Variants in PHACTR1 observed in about 807,000 individuals in gnomAD.
PHACTR1 encodes the protein RPEL repeat containing 1.
In PHACTR1, 16 loss-of-function variants were observed where a neutral mutation model predicts 69.2. The ratio of observed to expected loss-of-function variants is 0.23; its 90% CI spans 0.16 to 0.35. The LOEUF is 0.35. Ranked by LOEUF, PHACTR1 falls within the 10% of genes least tolerant of loss-of-function variation. The pLI is 1.00. For synonymous variants in PHACTR1, 312 were observed against 284.5 expected, an observed-to-expected ratio of 1.10 and a Z score of -0.97; for missense variants, 510 against 734.7, an observed-to-expected ratio of 0.69 and a Z score of 3.54.
chr6:13,066,120 A>G lies in PHACTR1; in HGVS notation c.415+12591A>G, dbSNP rs144685017. ...CAGGTACAGACTAAAGACTATGGAA[A>G]TCTGTTACCTTCTAGGGCTGGATAA... On this transcript the variant is annotated intron_variant, in intron 5 of 14. Transcript: ENST00000332995. Among the ~76,000 whole-genome samples the G allele has an allele frequency of 3.9e-4, 60 of 152,274 alleles. No homozygotes were observed. The East Asian group carries it at 9.6e-3, about 24-fold the overall frequency.
At chr6:12,846,758 G>A (rs1412712698) in intron 4 of PHACTR1, among the ~76,000 whole-genome samples, 2 of 148,678 alleles carry the variant, frequency 1.3e-5, no homozygotes, top group African/African-American at 5.0e-5. Flanking sequence ...GGAGATTTGT[G>A]GTAATTGCAA....
intron 14 of PHACTR1, 144 bp downstream of exon 14, chr6:13,286,366 C>CACTTTAGGTT: frequency 1.5e-6 from 1 of 667,280 alleles, no homozygotes; most frequent in Non-Finnish European, 2.4e-6. Context: ...CATGCGGTTC[C>CACTTTAGGTT]ACTTTAGGTT....
At chr6:12,848,097 A>G (rs1192943267) in intron 4 of PHACTR1, among the ~76,000 whole-genome samples, 1 of 152,230 alleles carries the variant, frequency 6.6e-6, no homozygotes, top group African/African-American at 2.4e-5. Flanking sequence ...ATGATAACCA[A>G]ATATTATCCT....
rs116560895 is a variant in PHACTR1, at chr6:13,015,994, G to A, written c.251-37371G>A. On this transcript the variant is annotated intron_variant, in intron 4 of 14. Transcript: ENST00000332995. The stretch of plus-strand genomic sequence containing the variant: ...GCACTCATTTAATCACCAAAATGGA[G>A]TGAGGTCAGGAGTTTAACCCTTCTT... 4.1e-3 allele frequency among the ~76,000 whole-genome samples: 624 copies of A among 152,358 alleles called. 5 individuals are homozygous for A. Among genetic ancestry groups the A allele is most frequent in the African/African-American group, 0.014 (576 of 41,568 alleles).
rs374918119 is a variant in PHACTR1, at chr6:13,283,722, G to A, written c.1650+160G>A. On this transcript the variant is annotated intron_variant, in intron 13 of 14. Transcript: ENST00000332995. The surrounding 1 kb of genome is among the most constrained non-coding windows in gnomAD (Gnocchi z 4.7). ...CCAACACCTTTCCCCAGGGGCCACA[G>A]ATAATCTGCGGAAAGGCTGCTGAAT... 600 of 1,037,002 alleles carry A rather than the reference G, an allele frequency of 5.8e-4. 3 individuals are homozygous for A. The African/African-American group carries it at 7.7e-3, about 13-fold the overall frequency. The allele number at this position is 1,037,002 out of a possible 1,614,324, so 64.2% of individuals were successfully genotyped here. A position where few individuals can be genotyped will look rare whatever the true frequency, so the allele number is the denominator to read the frequency against.
chr6:13,261,482 T>TA (rs1376913491), intron 10 of PHACTR1, among the ~76,000 whole-genome samples: 1 of 152,064 alleles, frequency 6.6e-6, no homozygotes, highest in Non-Finnish European at 1.5e-5. Context: ...GTTCAAAAGA[T>TA]AAAAAAATAT....
intron 3 of PHACTR1, among the ~76,000 whole-genome samples, chr6:12,742,251 C>A (rs1245967392): frequency 6.6e-6 from 1 of 152,088 alleles, no homozygotes; most frequent in African/African-American, 2.4e-5. Context: ...ATGAGTTTTC[C>A]AGGAAAGGGG....
intron 4 of PHACTR1, among the ~76,000 whole-genome samples, chr6:12,845,329 A>T (rs1434878975): frequency 1.4e-5 from 2 of 143,172 alleles, no homozygotes; most frequent in Non-Finnish European, 3.0e-5. Context: ...ATCCTTCCCC[A>T]CTCTCTCCTT....
intron 4 of PHACTR1, among the ~76,000 whole-genome samples, chr6:12,888,195 G>A (rs1336764828): frequency 6.6e-6 from 1 of 151,898 alleles, no homozygotes; most frequent in Admixed American, 6.6e-5. Context: ...AGCAGCTGAG[G>A]CCATTTTTGC....
chr6:13,242,055 A>T (rs1457466430), intron 10 of PHACTR1, among the ~76,000 whole-genome samples: 1 of 150,506 alleles, frequency 6.6e-6, no homozygotes, highest in East Asian at 2.0e-4. Context: ...AAAAAAAAAA[A>T]GGAATAAGTA....
At chr6:13,186,459 A>T (rs1762839830) in intron 7 of PHACTR1, among the ~76,000 whole-genome samples, 1 of 152,210 alleles carries the variant, frequency 6.6e-6, no homozygotes, top group Non-Finnish European at 1.5e-5. Context: ...CGCAACAGCA[A>T]ACAACTGCAA....
At chr6:13,107,146 C>T (rs1816297386) in intron 5 of PHACTR1, among the ~76,000 whole-genome samples, 1 of 152,138 alleles carries the variant, frequency 6.6e-6, no homozygotes, top group African/African-American at 2.4e-5. Context: ...CAGACAGACT[C>T]TTGCTCTGTT....
At position 13,084,365 on chromosome 6, in the gene PHACTR1, G is replaced by T. The variant is rs747057076; in HGVS notation, c.415+30836G>T. ...AGGAAGGGGAACATCACACACCGGGGACTGTTGTGGGGTGGGGGGAGGGGG... is the reference window on the plus strand; with the variant it reads ...AGGAAGGGGAACATCACACACCGGGTACTGTTGTGGGGTGGGGGGAGGGGG... On this transcript the variant is annotated intron_variant, in intron 5 of 14. Coordinates refer to ENST00000332995, the MANE Select transcript of PHACTR1 (RefSeq NM_030948.6). Among the ~76,000 whole-genome samples the T allele has an allele frequency of 1.7e-3, 203 of 116,958 alleles. 4 individuals are homozygous for T. Among genetic ancestry groups the T allele is most frequent in the South Asian group, 0.011 (35 of 3,076 alleles). The allele number at this position is 116,958 out of a possible 152,430, so 76.7% of individuals were successfully genotyped here.
At chr6:13,214,441 A>G (rs1473186574) in intron 8 of PHACTR1, among the ~76,000 whole-genome samples, 1 of 152,240 alleles carries the variant, frequency 6.6e-6, no homozygotes, top group Admixed American at 6.5e-5. Context: ...ATTGAAGTAC[A>G]TCGTCCCTTC....
intron 6 of PHACTR1, among the ~76,000 whole-genome samples, chr6:13,165,186 C>G (rs1759608574): frequency 6.6e-6 from 1 of 152,052 alleles, no homozygotes; most frequent in East Asian, 1.9e-4. Context: ...TGATTTTCTA[C>G]AATATGATTG....
chr6:13,269,023 C>T (rs1777223533), intron 10 of PHACTR1, among the ~76,000 whole-genome samples: 1 of 152,166 alleles, frequency 6.6e-6, no homozygotes, highest in Non-Finnish European at 1.5e-5. Context: ...ACCACAGAGC[C>T]AGTTGTCATG....
At chr6:12,821,399 G>A (rs971247316) in intron 4 of PHACTR1, among the ~76,000 whole-genome samples, 17 of 150,900 alleles carry the variant, frequency 1.1e-4, no homozygotes, top group African/African-American at 4.2e-4. Flanking sequence ...GGAGGCGGAG[G>A]TCGCAGTGAG....
chr6:12,862,679 G>A (rs962464331), intron 4 of PHACTR1, among the ~76,000 whole-genome samples: 8 of 151,972 alleles, frequency 5.3e-5, no homozygotes, highest in African/African-American at 1.9e-4. Context: ...TTTGCGTTCA[G>A]CAGGGTCTAG....
intron 4 of PHACTR1, among the ~76,000 whole-genome samples, chr6:12,967,066 G>C (rs1037752021): frequency 1.3e-5 from 2 of 152,130 alleles, no homozygotes; most frequent in Non-Finnish European, 2.9e-5. Flanking sequence ...CCATGTTCCT[G>C]AGATATTACA....
Sources: allele counts gnomAD v4.1 joint callset (sites outside exome capture counted in the v4.1 genomes callset), GRCh38; gene constraint gnomAD v4.1.1; non-coding constraint Gnocchi (gnomAD v3.1); transcripts MANE v1.5; gene names NCBI Gene and HGNC (gene_info 2026-07-23, HGNC 2026-07-21).